Variants in NRXN1 observed in about 807,000 individuals in gnomAD.
NRXN1 encodes the protein neurexin 1.
A neutral mutation model predicts 150.9 loss-of-function variants in NRXN1; 39 were observed. That is an observed-to-expected ratio of 0.26 (90% CI 0.20 to 0.34). The LOEUF is 0.34. NRXN1 is among the 10% of genes least tolerant of loss of function. The pLI is 1.00. For synonymous variants in NRXN1, 924 were observed against 757.0 expected (o/e 1.22, Z -3.62); for missense variants, 1,815 against 1,949.9 (o/e 0.93, Z 1.30).
intron 18 of NRXN1, chr2:50,199,050 A>G (rs1574454443): frequency 6.6e-6 from 1 of 152,292 alleles, no homozygotes; most frequent in South Asian, 2.1e-4. Context: ...AAGTGAAACA[A>G]TCAGTCCTCT....
At chr2:50,813,082 T>G (rs1668449825) in intron 5 of NRXN1, among the ~76,000 whole-genome samples, 1 of 152,002 alleles carries the variant, frequency 6.6e-6, no homozygotes, top group African/African-American at 2.4e-5. Context: ...TAGTCCCAGC[T>G]ACATGGGAGG....
chr2:50,496,468 T>C (rs1278559337), intron 14 of NRXN1, among the ~76,000 whole-genome samples: 1 of 152,170 alleles, frequency 6.6e-6, no homozygotes, highest in Admixed American at 6.5e-5. Context: ...TTCTCCTCTA[T>C]CTCGATTCCC....
intron 19 of NRXN1, 45 bp downstream of exon 19, chr2:50,091,278 T>C: frequency 1.2e-6 from 2 of 1,607,932 alleles, no homozygotes; most frequent in Non-Finnish European, 1.7e-6. Flanking sequence ...TTCTTCCAGT[T>C]TGTTTTTCAT....
intron 21 of NRXN1, among the ~76,000 whole-genome samples, chr2:49,958,301 A>G (rs926817651): frequency 6.6e-6 from 1 of 152,132 alleles, no homozygotes; most frequent in Non-Finnish European, 1.5e-5. Context: ...TCCACTATTC[A>G]GACATTTTTG....
chr2:50,279,285 G>A (rs1407226485), intron 17 of NRXN1, among the ~76,000 whole-genome samples: 1 of 152,122 alleles, frequency 6.6e-6, no homozygotes, highest in East Asian at 1.9e-4. Context: ...AACATTTTCT[G>A]TTAAAGAGGA....
intron 18 of NRXN1, among the ~76,000 whole-genome samples, chr2:50,148,733 A>G (rs17505611): frequency 0.1 from 15,631 of 151,766 alleles, 942 homozygotes; most frequent in Middle Eastern, 0.19. Flanking sequence ...AGAAACACAC[A>G]AAGTTTAATC....
At chr2:49,966,584 C>G (rs1285871217) in intron 21 of NRXN1, 2 of 151,664 alleles carry the variant, frequency 1.3e-5, no homozygotes, top group African/African-American at 2.4e-5. Context: ...CCTGCGAACT[C>G]CTCACCTTAC....
intron 17 of NRXN1, among the ~76,000 whole-genome samples, chr2:50,413,747 A>T (rs775121293): frequency 6.6e-6 from 1 of 152,104 alleles, no homozygotes; most frequent in African/African-American, 2.4e-5. Flanking sequence ...TTGTTGCAGC[A>T]CTCTTTACAA....
intron 2 of NRXN1, among the ~76,000 whole-genome samples, chr2:51,000,849 T>G (rs975797692): frequency 6.6e-6 from 1 of 151,944 alleles, no homozygotes; most frequent in Non-Finnish European, 1.5e-5. Context: ...TTACAAAAGA[T>G]GAGAAATGAC....
chr2:50,742,794 C>A (rs1208770241), intron 5 of NRXN1, among the ~76,000 whole-genome samples: 1 of 152,082 alleles, frequency 6.6e-6, no homozygotes, highest in African/African-American at 2.4e-5. Flanking sequence ...ATAACATCGG[C>A]AGATTCTAAC....
intron 17 of NRXN1, among the ~76,000 whole-genome samples, chr2:50,257,411 G>A (rs56008439): frequency 0.034 from 5,227 of 152,080 alleles, 121 homozygotes; most frequent in Non-Finnish European, 0.052. Flanking sequence ...ACCCACACAA[G>A]CCCCTCAGCT....
intron 17 of NRXN1, among the ~76,000 whole-genome samples, chr2:50,420,962 C>CTGTGTGTGTGTGTGTGTG (rs4032055): frequency 8.3e-6 from 1 of 119,940 alleles, no homozygotes; most frequent in Non-Finnish European, 1.8e-5. Flanking sequence ...CAAAATAGAC[C>CTGTGTGTGTGTGTGTGTG]TGTGTGTGTG....
At chr2:50,995,253 G>A (rs1485970198) in intron 2 of NRXN1, among the ~76,000 whole-genome samples, 3 of 151,964 alleles carry the variant, frequency 2.0e-5, no homozygotes, top group African/African-American at 7.2e-5. Context: ...GACACAGAGA[G>A]TAGTTGGGAC....
chr2:50,782,817 T>C (rs1158858140), intron 5 of NRXN1, among the ~76,000 whole-genome samples: 1 of 152,048 alleles, frequency 6.6e-6, no homozygotes, highest in African/African-American at 2.4e-5. Context: ...CTGAAGTAGA[T>C]GGAAAATGCA....
At chr2:50,820,126 G>A (rs1669508849) in intron 5 of NRXN1, among the ~76,000 whole-genome samples, 1 of 150,240 alleles carries the variant, frequency 6.7e-6, no homozygotes, top group Non-Finnish European at 1.5e-5. Context: ...TGGGGATGGG[G>A]ATATGAAAAA....
At chr2:50,841,886 C>T (rs1672928678) in intron 5 of NRXN1, among the ~76,000 whole-genome samples, 1 of 152,136 alleles carries the variant, frequency 6.6e-6, no homozygotes, top group African/African-American at 2.4e-5. Flanking sequence ...GAATTATAGT[C>T]TGGTGAGTTG....
At position 50,236,846 on chromosome 2, in the gene NRXN1, G is replaced by A. The variant is rs147580960; in HGVS notation, c.3489C>T (p.Ala1163=). ...AAGAACTGTCCACTCGCACCAATAC[G>A]GCTTCTTTCTGAACAGTGCTAAAAC... The part of the protein sequence containing the change: ...AIGFSTVQKE[A]VLVRVDSSSG... The change falls in exon 18 of 23, where the codon GCC becomes GCT. Residue 1163 remains alanine, a synonymous_variant. Transcript: ENST00000401669. 3.1e-5 allele frequency: 50 copies of A among 1,613,088 alleles called. No individual in the cohort carries two copies. In the African/African-American group the frequency reaches 3.7e-4, roughly 12 times the overall value.
chr2:50,560,157 C>A (rs1366243349), intron 8 of NRXN1, among the ~76,000 whole-genome samples: 1 of 152,170 alleles, frequency 6.6e-6, no homozygotes, highest in African/African-American at 2.4e-5. Flanking sequence ...TATTCACTTT[C>A]TTACACTGAA....
intron 5 of NRXN1, among the ~76,000 whole-genome samples, chr2:50,781,263 G>C (rs893453173): frequency 7.2e-5 from 11 of 152,048 alleles, no homozygotes; most frequent in Non-Finnish European, 1.3e-4. Context: ...TTGCTTCAGA[G>C]AGAAACATTA....
Sources: allele counts gnomAD v4.1 joint callset (sites outside exome capture counted in the v4.1 genomes callset), GRCh38; gene constraint gnomAD v4.1.1; transcripts MANE v1.5; gene names NCBI Gene and HGNC (gene_info 2026-07-23, HGNC 2026-07-21).